HCN4: variants seen among roughly 807,000 people sequenced by gnomAD.
HCN4 encodes the protein potassium/sodium hyperpolarization-activated cyclic nucleotide-gated channel 4.
HCN4 carries 29 observed loss-of-function variants against 76.9 expected under a neutral mutation model. That is an observed-to-expected ratio of 0.38 (90% CI 0.28 to 0.51). HCN4 has a LOEUF of 0.51. Ranked by LOEUF, HCN4 falls within the 20% of genes least tolerant of loss-of-function variation. The pLI is 0.90. For missense variants in HCN4, 1,416 were observed against 1,715.2 expected (o/e 0.83, Z 3.08); for synonymous variants, 772 against 762.5 (o/e 1.01, Z -0.21).
chr15:73,346,167 C>A (rs1329733055), intron 1 of HCN4, among the ~76,000 whole-genome samples: 3 of 152,182 alleles, frequency 2.0e-5, no homozygotes, highest in Non-Finnish European at 2.9e-5. Context: ...AAACCACTAC[C>A]CTGGAACATC....
chr15:73,324,954 C>T lies in HCN4; in HGVS notation c.1978+1G>A. ...TCCCCCAGGGCCCAGGGCTGCCTCA[C>T]CTCCAAAGTAGGAGCCGTCGGCCAG... On this transcript the variant is annotated splice_donor_variant, in intron 6 of 7. Transcript: ENST00000261917. LOFTEE classifies it high-confidence loss of function. 1 of 1,614,044 alleles carries T rather than the reference C, an allele frequency of 6.2e-7. No individual in the cohort carries two copies. Among genetic ancestry groups the T allele is most frequent in the Non-Finnish European group, 8.5e-7 (1 of 1,180,012 alleles).
In HCN4 at chr15:73,367,907, G is replaced by T; in HGVS notation, c.364C>A (p.Leu122Met). 7.2e-7 allele frequency: 1 copy of T among 1,390,078 alleles called. No individual in the cohort carries two copies. Among genetic ancestry groups the T allele is most frequent in the Non-Finnish European group, 9.3e-7 (1 of 1,072,634 alleles). 86.1% of individuals were successfully genotyped at this position (1,390,078 alleles called of 1,614,324 possible). ...GTGSGSSHGH[L>M]HDSAEERRLI... ...CGCCGCTCCTCCGCGGAGTCATGCAGGTGTCCGTGACTGCTGCCGCTCCCC... is the reference window on the plus strand; with the variant it reads ...CGCCGCTCCTCCGCGGAGTCATGCATGTGTCCGTGACTGCTGCCGCTCCCC... Residue 122 changes from leucine (L) to methionine (M), a missense_variant, in exon 1 of 8, where the codon CTG becomes ATG. Leu to Met is a conservative substitution (Grantham distance 15). Coordinates refer to ENST00000261917, the MANE Select transcript of HCN4 (RefSeq NM_005477.3). This position sits in a 1 kb window ranked among gnomAD's most constrained non-coding sequence, Gnocchi z 7.5.
intron 1 of HCN4, among the ~76,000 whole-genome samples, chr15:73,360,454 C>G (rs2680343): frequency 0.98 from 149,066 of 152,330 alleles, 73,015 homozygotes; most frequent in Non-Finnish European, 1. Context: ...ACACCTGATC[C>G]ATTTTCTGTG....
At chr15:73,363,918 C>T (rs2043117291) in intron 1 of HCN4, among the ~76,000 whole-genome samples, 1 of 152,140 alleles carries the variant, frequency 6.6e-6, no homozygotes, top group South Asian at 2.1e-4. Flanking sequence ...CAGGGCTCCA[C>T]AGCAGTCAGG....
In HCN4 at chr15:73,323,012, G is replaced by A. The variant is rs1226393084; in HGVS notation, c.3081C>T (p.Pro1027=). 37 of 1,470,794 alleles carry A rather than the reference G, an allele frequency of 2.5e-5. No homozygotes were observed. Among genetic ancestry groups the A allele is most frequent in the Non-Finnish European group, 3.1e-5 (34 of 1,112,466 alleles). The allele number at this position is 1,470,794 out of a possible 1,614,324, so 91.1% of individuals were successfully genotyped here. The stretch of plus-strand genomic sequence containing the variant: ...TTGGGGGGCCTGGGCTGTGGCCAGG[G>A]GGGCTGAGACCTCCTCGGGGAGTAA... ...VGFTPRGGLS[P]PGHSPGPPRT... Residue 1027 remains proline (P), a synonymous_variant, in exon 8 of 8, where the codon CCC becomes CCT. Transcript: ENST00000261917.
chr15:73,344,139 C>T (rs1473279019), intron 1 of HCN4, among the ~76,000 whole-genome samples: 1 of 152,202 alleles, frequency 6.6e-6, no homozygotes, highest in African/African-American at 2.4e-5. Flanking sequence ...AAGCAAGAGG[C>T]TGTTTTAGCA....
At chr15:73,364,792 T>C (rs1009933399) in intron 1 of HCN4, among the ~76,000 whole-genome samples, 2 of 152,096 alleles carry the variant, frequency 1.3e-5, no homozygotes, top group Admixed American at 6.5e-5. Context: ...GCCCAGGTTA[T>C]GCTGGTCCCT....
rs973013465 is a variant in HCN4 at position 73,368,509 on chromosome 15, C to T, written c.-239G>A. 1.8e-5 allele frequency: 6 copies of T among 329,974 alleles called. No individual in the cohort carries two copies. Among genetic ancestry groups the T allele is most frequent in the Admixed American group, 1.5e-4 (3 of 20,260 alleles). The allele number at this position is 329,974 out of a possible 1,614,324, so 20.4% of individuals were successfully genotyped here. On this transcript the variant is annotated 5_prime_UTR_variant, in exon 1 of 8. Transcript: ENST00000261917. This position sits in a 1 kb window ranked among gnomAD's most constrained non-coding sequence, Gnocchi z 6.9. ...TCCCGGGCCCGGCTGGGCGCGGGGA[C>T]CCCGCGCTCCCTTCTTGCCTCCCTC... is the stretch of plus-strand genomic sequence containing the variant.
rs752235823 is a variant in HCN4, at chr15:73,323,427, G to A, written c.2666C>T (p.Ser889Phe). The A allele has an allele frequency of 3.1e-6, 5 of 1,608,522 alleles. No individual in the cohort carries two copies. Among genetic ancestry groups the A allele is most frequent in the Non-Finnish European group, 4.2e-6 (5 of 1,178,122 alleles). ...AGCTGATGGTGTGGGAGCCGAGGGG[G>A]AGCCACAGGCCCCGGGGGGTGGGGA... ...SSSPPPGACG[S>F]PSAPTPSAGV... is the part of the protein sequence containing the mutation. Residue 889 changes from serine to phenylalanine, a missense_variant, in exon 8 of 8, where the codon TCC becomes TTC. Transcript: ENST00000261917.
At chr15:73,324,889 C>A (rs372548836) in intron 6 of HCN4, 66 bp downstream of exon 6, 1 of 1,600,012 alleles carries the variant, frequency 6.2e-7, no homozygotes, top group South Asian at 1.1e-5. Context: ...TCTGTCCCCT[C>A]GGTATCTCCC....
At chr15:73,355,522 C>G (rs114297989) in intron 1 of HCN4, among the ~76,000 whole-genome samples, 1 of 152,122 alleles carries the variant, frequency 6.6e-6, no homozygotes, top group Non-Finnish European at 1.5e-5. Context: ...ACATCCTGAA[C>G]GCCAGCTTGA....
In HCN4 at chr15:73,322,274, A is replaced by G; in HGVS notation, c.*207T>C. 1 of 359,120 alleles carries G rather than the reference A, an allele frequency of 2.8e-6. No homozygotes were observed. Among genetic ancestry groups the G allele is most frequent in the Non-Finnish European group, 5.4e-6 (1 of 185,386 alleles). The allele number at this position is 359,120 out of a possible 1,614,324, so 22.2% of individuals were successfully genotyped here. On this transcript the variant is annotated 3_prime_UTR_variant, in exon 8 of 8. Transcript: ENST00000261917. Reference sequence around the variant, plus strand: ...CTCCCCCTCCCTCCCTCTAGTGCTGAGTATTAAAATAGTCTATAAAAGCAA... The same window carrying G: ...CTCCCCCTCCCTCCCTCTAGTGCTGGGTATTAAAATAGTCTATAAAAGCAA...
At chr15:73,347,937 T>A (rs1157116300) in intron 1 of HCN4, among the ~76,000 whole-genome samples, 2 of 152,272 alleles carry the variant, frequency 1.3e-5, no homozygotes, top group East Asian at 3.9e-4. Context: ...CTGTCTTATC[T>A]CAATCCTTAC....
In HCN4 at chr15:73,324,093, G is replaced by T. The variant is rs1479702931; in HGVS notation, c.2139C>A (p.Arg713=). ...FETVALDRLD[R]IGKKNSILLH... ...CCTGTGGCCCCTCCCCCTCACCAAT[G>T]CGGTCCAGGCGGTCCAGCGCCACGG... Residue 713 remains arginine (R), a synonymous_variant, in exon 7 of 8, where the codon CGC becomes CGA. Coordinates refer to ENST00000261917, the MANE Select transcript of HCN4 (RefSeq NM_005477.3). 10 of 1,610,676 alleles carry T rather than the reference G, an allele frequency of 6.2e-6. No homozygotes were observed. Among genetic ancestry groups the T allele is most frequent in the Non-Finnish European group, 7.6e-6 (9 of 1,178,634 alleles).
rs199685325 is a variant in HCN4, at chr15:73,323,987, C to T, written c.2144-38G>A. On this transcript the variant is annotated intron_variant, in intron 7 of 7. Coordinates refer to ENST00000261917, the MANE Select transcript of HCN4 (RefSeq NM_005477.3). ...ACAAGAACAGGCACTCAGGGCAGAG[C>T]GGGGAAGGAGATCAGGTGCAGACCT... 2.1e-4 allele frequency: 333 copies of T among 1,610,020 alleles called. 1 individual carries two copies. In the African/African-American group the frequency reaches 2.9e-3, roughly 14 times the overall value.
chr15:73,327,108 CTTTT>C (rs975122477), intron 4 of HCN4, among the ~76,000 whole-genome samples: 2 of 131,118 alleles, frequency 1.5e-5, no homozygotes, highest in East Asian at 4.5e-4. Context: ...TTTTCTTTTT[CTTTT>C]TTTTTTTTTT....
rs2042896576 is a variant in HCN4, at chr15:73,325,958, A to G, written c.1591-514T>C. 6.6e-6 allele frequency among the ~76,000 whole-genome samples: 1 copy of G among 152,204 alleles called. No individual in the cohort carries two copies. Among genetic ancestry groups the G allele is most frequent in the Non-Finnish European group, 1.5e-5 (1 of 68,028 alleles). ...ATGCTATGAATCCAAACGTGGCCTC[A>G]GCTGAGACCCCGGGTCATTTCGTTG... is the stretch of plus-strand genomic sequence containing the variant. On this transcript the variant is annotated intron_variant, in intron 4 of 7. Coordinates refer to ENST00000261917, the MANE Select transcript of HCN4 (RefSeq NM_005477.3). This position sits in a 1 kb window ranked among gnomAD's most constrained non-coding sequence, Gnocchi z 7.4.
intron 1 of HCN4, among the ~76,000 whole-genome samples, chr15:73,350,433 A>G (rs1337074847): frequency 6.6e-6 from 1 of 152,162 alleles, no homozygotes; most frequent in Non-Finnish European, 1.5e-5. Context: ...TGTCATCATC[A>G]TGGCCTCATT....
intron 1 of HCN4, among the ~76,000 whole-genome samples, chr15:73,355,303 C>T (rs1334942470): frequency 1.3e-5 from 2 of 152,244 alleles, no homozygotes; most frequent in African/African-American, 2.4e-5. Flanking sequence ...CTTCCTCTCA[C>T]TGTCTCTTCC....
Sources: gnomAD v4.1 joint callset for allele counts (sites outside exome capture counted in the v4.1 genomes callset) on GRCh38, gnomAD v4.1.1 for gene constraint, Gnocchi (gnomAD v3.1) non-coding constraint, MANE v1.5 for transcripts, NCBI Gene and HGNC (gene_info 2026-07-23, HGNC 2026-07-21) for gene names.